The following HIPK2 variants were observed in gnomAD, a reference collection of about 807,000 sequenced individuals.
The protein encoded by HIPK2 is homeodomain interacting protein kinase 2.
HIPK2 carries 27 observed loss-of-function variants against 113.7 expected under a neutral mutation model. The ratio of observed to expected loss-of-function variants is 0.24; its 90% CI spans 0.17 to 0.33. The LOEUF (loss-of-function observed/expected upper bound fraction) is 0.33, where lower values mean the gene tolerates loss of function less well. Among genes scored for constraint, HIPK2 ranks in the 10% least tolerant of loss-of-function variants. The probability of loss-of-function intolerance (pLI) is 1.00; values close to 1 mark genes in which losing one functional copy is unlikely to be tolerated. For missense variants in HIPK2, 1,257 were observed against 1,588.0 expected (o/e 0.79, Z 3.54); for synonymous variants, 631 against 642.2 (o/e 0.98, Z 0.26).
intron 7 of HIPK2, among the ~76,000 whole-genome samples, chr7:139,617,863 T>C (rs571655136): frequency 5.9e-4 from 90 of 152,360 alleles, no homozygotes; most frequent in African/African-American, 2.0e-3. Context: ...AATATCTAAA[T>C]GGGCAAACAG....
At chr7:139,707,570 G>C (rs1794939477) in intron 2 of HIPK2, among the ~76,000 whole-genome samples, 1 of 152,240 alleles carries the variant, frequency 6.6e-6, no homozygotes, top group Non-Finnish European at 1.5e-5. Context: ...GTTCAAGCTG[G>C]GAGACCAGGG....
intron 1 of HIPK2, among the ~76,000 whole-genome samples, chr7:139,722,637 G>A (rs1215677298): frequency 1.3e-5 from 2 of 152,000 alleles, no homozygotes; most frequent in African/African-American, 4.8e-5. Flanking sequence ...TAAGTACACA[G>A]CAGGCTCCAG....
rs1231614534 is a variant in HIPK2 at position 139,604,184 on chromosome 7, G to T, written c.2152C>A (p.Pro718Thr). 6.2e-7 allele frequency: 1 copy of T among 1,613,638 alleles called. No individual in the cohort carries two copies. The highest frequency in any genetic ancestry group is 1.3e-5 in the African/African-American group (1 of 74,922). The change falls in exon 10 of 15, where the codon CCA becomes ACA. Residue 718 changes from proline (P) to threonine (T), a missense_variant. Coordinates refer to ENST00000406875, the MANE Select transcript of HIPK2 (RefSeq NM_022740.5). ...ACTCCAGTCAGTTGCTGCCATGCTGGGGGAAGCAGGATCTGCTGGGTCCCA... is the reference window on the plus strand; with the variant it reads ...ACTCCAGTCAGTTGCTGCCATGCTGTGGGAAGCAGGATCTGCTGGGTCCCA... ...PSGTQQILLPPAWQQLTGVAT... is the reference protein window; with the variant it reads ...PSGTQQILLPTAWQQLTGVAT...
intron 12 of HIPK2, among the ~76,000 whole-genome samples, chr7:139,585,145 G>T (rs1471440720): frequency 6.6e-6 from 1 of 152,238 alleles, no homozygotes; most frequent in African/African-American, 2.4e-5. Context: ...CAACTGGTCA[G>T]TTTCCAGCTA....
chr7:139,615,361 T>G (rs62491682), intron 7 of HIPK2, among the ~76,000 whole-genome samples: 54 of 152,358 alleles, frequency 3.5e-4, no homozygotes, highest in Middle Eastern at 6.8e-3. Context: ...TGACAAAGCC[T>G]GGCAGATAGA....
In HIPK2 at chr7:139,777,978, C is replaced by T. The variant is rs1403575901; in HGVS notation, c.-355G>A. On this transcript the variant is annotated 5_prime_UTR_variant, in exon 1 of 15. Coordinates refer to ENST00000406875, the MANE Select transcript of HIPK2 (RefSeq NM_022740.5). ...GCCGGGGGCAGCGCGCGGCCAGGGC[C>T]GGCGGGGCTCAGCTCAGCATGGCTG... 7.5e-6 allele frequency among the ~76,000 whole-genome samples: 1 copy of T among 133,908 alleles called. No individual in the cohort carries two copies. The highest frequency in any genetic ancestry group is 7.4e-5 in the Admixed American group (1 of 13,494). The allele number at this position is 133,908 out of a possible 152,430, so 87.8% of individuals were successfully genotyped here.
At chr7:139,651,252 C>T (rs1801447957) in intron 2 of HIPK2, among the ~76,000 whole-genome samples, 2 of 152,148 alleles carry the variant, frequency 1.3e-5, no homozygotes, top group Admixed American at 6.5e-5. Context: ...AGGAGGACTT[C>T]CAAGCACCCA....
chr7:139,707,738 T>C (rs1794944493), intron 2 of HIPK2, among the ~76,000 whole-genome samples: 1 of 152,214 alleles, frequency 6.6e-6, no homozygotes, highest in Non-Finnish European at 1.5e-5. Flanking sequence ...AAAAATTACC[T>C]GTTGGATGCA....
intron 2 of HIPK2, among the ~76,000 whole-genome samples, chr7:139,676,828 A>C (rs1802511438): frequency 6.6e-6 from 1 of 151,696 alleles, no homozygotes; most frequent in South Asian, 2.1e-4. Flanking sequence ...ACAAATGAAC[A>C]CAAGTATTAG....
chr7:139,735,048 T>C (rs1201657579), intron 1 of HIPK2, among the ~76,000 whole-genome samples: 1 of 152,224 alleles, frequency 6.6e-6, no homozygotes, highest in Non-Finnish European at 1.5e-5. Context: ...ACAAAGATAA[T>C]TGACACTAAT....
chr7:139,695,676 A>C (rs1431987362), intron 2 of HIPK2, among the ~76,000 whole-genome samples: 2 of 152,034 alleles, frequency 1.3e-5, no homozygotes, highest in African/African-American at 4.8e-5. Flanking sequence ...ACACACACTC[A>C]AGATGAAAAT....
chr7:139,741,887 G>A (rs754818825), intron 1 of HIPK2, among the ~76,000 whole-genome samples: 1 of 152,194 alleles, frequency 6.6e-6, no homozygotes, highest in Non-Finnish European at 1.5e-5. Flanking sequence ...AGATAAGAAC[G>A]TGAACTTGAT....
At chr7:139,660,305 G>C (rs747986537) in intron 2 of HIPK2, among the ~76,000 whole-genome samples, 1 of 152,054 alleles carries the variant, frequency 6.6e-6, no homozygotes, top group East Asian at 1.9e-4. Flanking sequence ...TGTTGTTGTT[G>C]TTGTTGTTTT....
At chr7:139,651,459 G>A (rs1801455360) in intron 2 of HIPK2, among the ~76,000 whole-genome samples, 1 of 152,184 alleles carries the variant, frequency 6.6e-6, no homozygotes, top group African/African-American at 2.4e-5. Context: ...GCAACTCTGG[G>A]CCACTTGTCA....
At chr7:139,591,527 A>G (rs1799025003) in intron 12 of HIPK2, among the ~76,000 whole-genome samples, 1 of 152,154 alleles carries the variant, frequency 6.6e-6, no homozygotes, top group Non-Finnish European at 1.5e-5. Flanking sequence ...CAAACCAGGA[A>G]GCTGTGGCAT....
intron 2 of HIPK2, among the ~76,000 whole-genome samples, chr7:139,682,218 T>C (rs963534115): frequency 6.6e-6 from 1 of 152,208 alleles, no homozygotes; most frequent in African/African-American, 2.4e-5. Flanking sequence ...TTCAGTCCTG[T>C]TACCTCTCCA....
At chr7:139,690,848 G>C (rs1346566382) in intron 2 of HIPK2, among the ~76,000 whole-genome samples, 1 of 152,026 alleles carries the variant, frequency 6.6e-6, no homozygotes, top group East Asian at 1.9e-4. Context: ...GCAGACATCA[G>C]AATCATGAGC....
chr7:139,588,677 T>C (rs918323365), intron 12 of HIPK2, among the ~76,000 whole-genome samples: 1 of 152,026 alleles, frequency 6.6e-6, no homozygotes, highest in African/African-American at 2.4e-5. Flanking sequence ...TGCTGGAGGC[T>C]GAGGACGAGG....
chr7:139,709,183 C>A lies in HIPK2; in HGVS notation c.1103+6749G>T, dbSNP rs1231300033. 3.3e-5 allele frequency among the ~76,000 whole-genome samples: 5 copies of A among 152,170 alleles called. 1 individual carries two copies. Among genetic ancestry groups the A allele is most frequent in the Non-Finnish European group, 7.3e-5 (5 of 68,032 alleles). On this transcript the variant is annotated intron_variant, in intron 2 of 14. Transcript: ENST00000406875. ...AACGCATACATGTACGTATTTATAA[C>A]AGTCTCCCTGGGCAAATGAAGTTGT...
Sources: allele counts gnomAD v4.1 joint callset (sites outside exome capture counted in the v4.1 genomes callset), GRCh38; gene constraint gnomAD v4.1.1; transcripts MANE v1.5; gene names NCBI Gene and HGNC (gene_info 2026-07-23, HGNC 2026-07-21).